PATJ: variants seen among roughly 807,000 people sequenced by gnomAD.
PATJ encodes PATJ crumbs cell polarity complex component.
PATJ carries 190 observed loss-of-function variants against 224.9 expected under a neutral mutation model. That is an observed-to-expected ratio of 0.84 (90% CI 0.75 to 0.95). The LOEUF (loss-of-function observed/expected upper bound fraction) is 0.95, where lower values mean the gene tolerates loss of function less well. Ranked by LOEUF, PATJ falls within the 40% of genes least tolerant of loss-of-function variation. PATJ has a pLI of 0.00. For synonymous variants in PATJ, 769 were observed against 820.3 expected (o/e 0.94, Z 1.07); for missense variants, 2,121 against 2,270.3 (o/e 0.93, Z 1.34).
At chr1:61,986,120 C>A (rs12742445) in intron 27 of PATJ, among the ~76,000 whole-genome samples, 38,945 of 151,728 alleles carry the variant, frequency 0.26, 5,377 homozygotes, top group East Asian at 0.45. Flanking sequence ...GTGACCCTAA[C>A]CCTTACCCTT....
chr1:61,764,000 T>C (rs1646120013), intron 3 of PATJ, among the ~76,000 whole-genome samples: 1 of 143,716 alleles, frequency 7.0e-6, no homozygotes, highest in African/African-American at 2.5e-5. Context: ...GTGTGTGGTC[T>C]TTTTTTTTGT....
intron 17 of PATJ, among the ~76,000 whole-genome samples, chr1:61,838,571 C>T (rs369300005): frequency 6.8e-6 from 1 of 147,984 alleles, no homozygotes; most frequent in African/African-American, 2.5e-5. Flanking sequence ...GGGGTTTCAC[C>T]GTGTTAGCCA....
At chr1:62,094,809 G>A (rs1391330475) in intron 33 of PATJ, among the ~76,000 whole-genome samples, 3 of 152,160 alleles carry the variant, frequency 2.0e-5, no homozygotes, top group African/African-American at 7.2e-5. Context: ...TTTTGTAAAT[G>A]AATATTAGGA....
At chr1:61,889,028 G>T (rs757875850) in intron 22 of PATJ, among the ~76,000 whole-genome samples, 22 of 152,136 alleles carry the variant, frequency 1.4e-4, no homozygotes, top group Middle Eastern at 3.2e-3. Flanking sequence ...ATCTTTAAGG[G>T]TATGCCCCAT....
intron 11 of PATJ, among the ~76,000 whole-genome samples, chr1:61,797,857 C>T (rs1471206062): frequency 6.7e-6 from 1 of 150,218 alleles, no homozygotes. Flanking sequence ...GGCTGGAGTG[C>T]AGTGGCACGA....
chr1:62,020,106 G>T (rs1308354890), intron 29 of PATJ, among the ~76,000 whole-genome samples: 1 of 152,004 alleles, frequency 6.6e-6, no homozygotes, highest in Non-Finnish European at 1.5e-5. Context: ...GGAGGTTGAG[G>T]CTGCAGTGAG....
intron 27 of PATJ, among the ~76,000 whole-genome samples, chr1:61,972,298 T>A (rs1213511653): frequency 6.6e-6 from 1 of 152,028 alleles, no homozygotes; most frequent in Non-Finnish European, 1.5e-5. Context: ...CGACTGTGAC[T>A]TCATGTTGGT....
intron 22 of PATJ, among the ~76,000 whole-genome samples, chr1:61,886,750 G>A (rs1668898142): frequency 6.7e-6 from 1 of 150,110 alleles, no homozygotes; most frequent in Non-Finnish European, 1.5e-5. Flanking sequence ...AACCTGGGAG[G>A]TGGAGGTTGC....
At chr1:62,144,766 C>CAAAA (rs546610971) in intron 41 of PATJ, among the ~76,000 whole-genome samples, 16 of 116,522 alleles carry the variant, frequency 1.4e-4, no homozygotes, top group East Asian at 5.0e-4. Flanking sequence ...ATGTTATTTG[C>CAAAA]AAAAAAAAAA....
chr1:62,140,931 C>A (rs139912471), intron 41 of PATJ, among the ~76,000 whole-genome samples: 1 of 151,876 alleles, frequency 6.6e-6, no homozygotes, highest in Non-Finnish European at 1.5e-5. Flanking sequence ...AAAAGCTAGA[C>A]AGCTTTCTTC....
chr1:62,105,500 A>G (rs1289772608), intron 33 of PATJ, among the ~76,000 whole-genome samples: 1 of 152,162 alleles, frequency 6.6e-6, no homozygotes, highest in Non-Finnish European at 1.5e-5. Context: ...GACCTTTGGT[A>G]GGATCTCATT....
intron 27 of PATJ, among the ~76,000 whole-genome samples, chr1:61,939,511 GT>G (rs966702680): frequency 6.6e-6 from 1 of 151,086 alleles, no homozygotes; most frequent in African/African-American, 2.4e-5. Context: ...TAAAAATCAG[GT>G]TTTTTTTGCC....
intron 37 of PATJ, chr1:62,117,519 A>G (rs1664575389): frequency 1.6e-6 from 1 of 622,042 alleles, no homozygotes; most frequent in Non-Finnish European, 2.1e-6. Flanking sequence ...AAAAAAAAAA[A>G]GGCAACATCT....
At chr1:62,116,434 AAGG>A in intron 35 of PATJ, 95 bp from the exon 36 acceptor site, 1 of 1,352,138 alleles carries the variant, frequency 7.4e-7, no homozygotes. Flanking sequence ...TGGAAGAAGA[AAGG>A]AGCATATATG....
In PATJ at chr1:62,084,584, T is replaced by C. The variant is rs772434771; in HGVS notation, c.4313T>C (p.Ile1438Thr). The change falls in exon 33 of 44, where the codon ATA (isoleucine) becomes ACA (threonine). Residue 1438 changes from isoleucine (I) to threonine (T), a missense_variant. Physicochemically the swap from Ile to Thr is moderately conservative, Grantham distance 89 (BLOSUM62 -1). Transcript: ENST00000642238. ...CPIVPGQEMI[I>T]EISKGRSGLG... ...ATTGTCCCTGGACAGGAAATGATTA[T>C]AGAAATATCCAAGGGACGTTCAGGG... 1.9e-6 allele frequency: 3 copies of C among 1,613,446 alleles called. No homozygotes were observed. Among genetic ancestry groups the C allele is most frequent in the African/African-American group, 2.7e-5 (2 of 74,914 alleles).
intron 33 of PATJ, among the ~76,000 whole-genome samples, chr1:62,102,471 T>A (rs1025703995): frequency 2.6e-5 from 4 of 152,162 alleles, no homozygotes; most frequent in African/African-American, 9.7e-5. Context: ...ATTTTGTATT[T>A]GTCTTAGAAA....
intron 7 of PATJ, among the ~76,000 whole-genome samples, chr1:61,777,699 C>CTTTTTT (rs1557626569): frequency 6.6e-4 from 53 of 80,008 alleles, no homozygotes; most frequent in Non-Finnish European, 8.8e-4. Flanking sequence ...TTCTTTCTTT[C>CTTTTTT]TTTCTTTTTT....
Position 61,775,236 on chromosome 1 carries a change from C to T in PATJ, c.751C>T (p.Leu251Phe). Reference sequence around the variant, plus strand: ...TTGGGGCCATGTTGAAGAGGTTGAGCTCATTAATGATGGCTCTGGACTAGG... The same window carrying T: ...TTGGGGCCATGTTGAAGAGGTTGAGTTCATTAATGATGGCTCTGGACTAGG... ...VCWGHVEEVE[L>F]INDGSGLGFG... is the part of the protein sequence containing the mutation. The change falls in exon 7 of 44, where the codon CTC becomes TTC. Residue 251 changes from leucine to phenylalanine, a missense_variant. Transcript: ENST00000642238. 2 of 1,613,346 alleles carry T rather than the reference C, an allele frequency of 1.2e-6. No individual in the cohort carries two copies. Among genetic ancestry groups the T allele is most frequent in the Non-Finnish European group, 1.7e-6 (2 of 1,179,654 alleles).
intron 9 of PATJ, among the ~76,000 whole-genome samples, chr1:61,794,126 TC>T (rs1186483496): frequency 3.9e-5 from 6 of 152,104 alleles, no homozygotes; most frequent in African/African-American, 1.4e-4. Context: ...GGTCTTGAAC[TC>T]CTGACCTCAA....
Sources: allele counts gnomAD v4.1 joint callset (sites outside exome capture counted in the v4.1 genomes callset), GRCh38; gene constraint gnomAD v4.1.1; transcripts MANE v1.5; gene names NCBI Gene and HGNC (gene_info 2026-07-23, HGNC 2026-07-21).